Variants in AP5Z1 observed in about 807,000 individuals in gnomAD.
The protein encoded by AP5Z1 is adaptor related protein complex 5 subunit zeta 1, also known as AP-5 complex subunit zeta-1.
In AP5Z1, 106 loss-of-function variants were observed where a neutral mutation model predicts 83.0. The ratio of observed to expected loss-of-function variants is 1.28; its 90% CI spans 1.09 to 1.50. AP5Z1 has a LOEUF of 1.50. AP5Z1 is among the 40% of genes most tolerant of loss of function. The probability of loss-of-function intolerance (pLI) is 0.00; values close to 1 mark genes in which losing one functional copy is unlikely to be tolerated. For synonymous variants in AP5Z1, 751 were observed against 514.1 expected (o/e 1.46, Z -6.23); for missense variants, 1,565 against 1,094.2 (o/e 1.43, Z -6.07).
At chr7:4,791,018 G>A in intron 16 of AP5Z1, 97 bp from the exon 17 acceptor site, 1 of 1,470,418 alleles carries the variant, frequency 6.8e-7, no homozygotes, top group Non-Finnish European at 9.0e-7. Context: ...CTGAGCTAAA[G>A]CCACTCTGCT....
At chr7:4,787,831 A>C (rs967162879) in intron 11 of AP5Z1, 55 bp downstream of exon 11, 18 of 1,485,162 alleles carry the variant, frequency 1.2e-5, no homozygotes, top group Non-Finnish European at 1.5e-5. Flanking sequence ...GGTTCCACAC[A>C]CTGGGCCCCC....
At chr7:4,781,137 G>A (rs767546822) in intron 1 of AP5Z1, 38 bp from the exon 2 acceptor site, 16 of 1,595,846 alleles carry the variant, frequency 1.0e-5, no homozygotes, top group Admixed American at 5.2e-5. Context: ...TCCGAGCAGC[G>A]AGTGCTTCTG....
chr7:4,777,115 C>A (rs781692957), intron 1 of AP5Z1, among the ~76,000 whole-genome samples: 1 of 152,182 alleles, frequency 6.6e-6, no homozygotes, highest in Non-Finnish European at 1.5e-5. Flanking sequence ...GAATATGCAG[C>A]ACCATCTCCC....
chr7:4,794,173 T>G lies in AP5Z1; in HGVS notation c.*2788T>G, dbSNP rs997222972. 2 of 152,188 alleles carry G rather than the reference T, an allele frequency of 1.3e-5. No individual in the cohort carries two copies. Among genetic ancestry groups the G allele is most frequent in the African/African-American group, 2.4e-5 (1 of 41,414 alleles). 9.4% of individuals were successfully genotyped at this position (152,188 alleles called of 1,614,324 possible). ...AACACTCTGTATCTAGTTAATCTGG[T>G]GGGGACATGGAGAACCTTTGTGTCT... On this transcript the variant is annotated 3_prime_UTR_variant, in exon 17 of 17. Transcript: ENST00000649063.
chr7:4,784,803 G>C lies in AP5Z1; in HGVS notation c.791-105G>C, dbSNP rs547645423. On this transcript the variant is annotated intron_variant, in intron 6 of 16. Coordinates refer to ENST00000649063, the MANE Select transcript of AP5Z1 (RefSeq NM_014855.3). ...CGGTGACGCCTCACGCCTCCCGGGA[G>C]GGGCTGCGGCCTGTGCTCTCCTCCT... 26 of 1,418,824 alleles carry C rather than the reference G, an allele frequency of 1.8e-5. No individual in the cohort carries two copies. In the South Asian group the frequency reaches 3.7e-4, roughly 20 times the overall value. 87.9% of individuals were successfully genotyped at this position (1,418,824 alleles called of 1,614,324 possible). A position where few individuals can be genotyped will look rare whatever the true frequency, so the allele number is the denominator to read the frequency against.
In AP5Z1 at chr7:4,790,757, G is replaced by A. The variant is rs1781738481; in HGVS notation, c.2023G>A (p.Glu675Lys). ...GATCAACAAGTTCTTCGAAGCCCTG[G>A]AGGCTCTGCTATTCGAGGTCACCCA... ...EQINKFFEAL[E>K]ALLFEVTQCR... The change falls in exon 16 of 17, where the codon GAG becomes AAG. Residue 675 changes from glutamate (E) to lysine (K), a missense_variant. Physicochemically the swap from Glu to Lys is moderately conservative, Grantham distance 56. Transcript: ENST00000649063. 1 of 1,609,380 alleles carries A rather than the reference G, an allele frequency of 6.2e-7. No homozygotes were observed. The highest frequency in any genetic ancestry group is 1.1e-5 in the South Asian group (1 of 90,350).
chr7:4,779,750 C>T (rs1781329783), intron 1 of AP5Z1, among the ~76,000 whole-genome samples: 2 of 152,050 alleles, frequency 1.3e-5, no homozygotes, highest in African/African-American at 2.4e-5. Flanking sequence ...AAGTGATTCT[C>T]CTGCCTCAGC....
intron 1 of AP5Z1, among the ~76,000 whole-genome samples, chr7:4,779,310 A>C (rs1480199740): frequency 1.4e-5 from 2 of 146,990 alleles, no homozygotes; most frequent in East Asian, 3.9e-4. Flanking sequence ...TATATAACGT[A>C]TATAACATAA....
At chr7:4,785,788 T>G (rs1335310167) in intron 9 of AP5Z1, 104 bp downstream of exon 9, 16 of 1,327,536 alleles carry the variant, frequency 1.2e-5, no homozygotes, top group East Asian at 5.3e-5. Flanking sequence ...TTTGATTGAA[T>G]AGAGACAGGG....
rs1781200012 is a variant in AP5Z1, at chr7:4,775,627, C to T, written c.-89C>T. On this transcript the variant is annotated 5_prime_UTR_variant, in exon 1 of 17. Transcript: ENST00000649063. Reference sequence around the variant, plus strand: ...GTAAGGCCGCTGCGCTCACGTGACGCGGTCCCGGAAGTTGACCGGGGTGCG... The same window carrying T: ...GTAAGGCCGCTGCGCTCACGTGACGTGGTCCCGGAAGTTGACCGGGGTGCG... The T allele has an allele frequency of 2.6e-6, 4 of 1,560,558 alleles. No homozygotes were observed. The highest frequency in any genetic ancestry group is 1.7e-6 in the Non-Finnish European group (2 of 1,150,864).
At chr7:4,783,987 C>T (rs953374401) in intron 5 of AP5Z1, among the ~76,000 whole-genome samples, 189 bp downstream of exon 5, 2 of 152,108 alleles carry the variant, frequency 1.3e-5, no homozygotes, top group Non-Finnish European at 1.5e-5. Flanking sequence ...GGGGTCTGTG[C>T]GCGGGTTCAG....
chr7:4,780,888 T>C (rs1430937170), intron 1 of AP5Z1, among the ~76,000 whole-genome samples: 4 of 152,130 alleles, frequency 2.6e-5, no homozygotes. Flanking sequence ...AAAGAATCGG[T>C]TTTAGTCCTT....
chr7:4,790,044 C>T, intron 14 of AP5Z1, 115 bp downstream of exon 14: 2 of 1,155,558 alleles, frequency 1.7e-6, no homozygotes, highest in Non-Finnish European at 2.4e-6. Flanking sequence ...GCTGGGCCCT[C>T]AGCAGCCTCA....
At position 4,790,509 on chromosome 7, in the gene AP5Z1, T is replaced by C. The variant is rs745978272; in HGVS notation, c.1856T>C (p.Val619Ala). ...LALCTLKPSL[V>A]VELARDLLEF... The stretch of plus-strand genomic sequence containing the variant: ...CTGTGTACGCTGAAACCCTCCCTGG[T>C]GGTGGAGCTGGCAAGAGACCTGCTG... The change falls in exon 15 of 17, where the codon GTG becomes GCG. Residue 619 changes from valine (V) to alanine (A), a missense_variant. By Grantham distance (64) the Val-to-Ala change is moderately conservative. Coordinates refer to ENST00000649063, the MANE Select transcript of AP5Z1 (RefSeq NM_014855.3). 1 of 1,612,914 alleles carries C rather than the reference T, an allele frequency of 6.2e-7. No homozygotes were observed. The highest frequency in any genetic ancestry group is 8.5e-7 in the Non-Finnish European group (1 of 1,179,850).
intron 13 of AP5Z1, 91 bp downstream of exon 13, chr7:4,789,042 G>A (rs891843876): frequency 8.2e-5 from 90 of 1,102,822 alleles, no homozygotes; most frequent in African/African-American, 4.8e-4. Flanking sequence ...CTTGAGCTCT[G>A]CAGAAGGCTG....
intron 7 of AP5Z1, 66 bp from the exon 8 acceptor site, chr7:4,785,349 G>C: frequency 1.3e-6 from 2 of 1,569,504 alleles, no homozygotes; most frequent in East Asian, 4.5e-5. Flanking sequence ...CAGAGCACAA[G>C]CTGCCCCCTC....
chr7:4,778,321 G>T (rs17135113), intron 1 of AP5Z1, among the ~76,000 whole-genome samples: 9,537 of 152,202 alleles, frequency 0.063, 384 homozygotes, highest in African/African-American at 0.11. Flanking sequence ...CAAAGATAGC[G>T]CTGCAAGCTG....
At chr7:4,789,686 T>G in intron 13 of AP5Z1, 146 bp from the exon 14 acceptor site, 1 of 594,868 alleles carries the variant, frequency 1.7e-6, no homozygotes, top group Non-Finnish European at 2.9e-6. Context: ...CAGCTGAGTC[T>G]CTGTGTCCCT....
At chr7:4,775,898 A>G in intron 1 of AP5Z1, 142 bp downstream of exon 1, 1 of 1,253,574 alleles carries the variant, frequency 8.0e-7, no homozygotes, top group Middle Eastern at 2.7e-4. Flanking sequence ...GGGATCGGGT[A>G]AGGCAACACG....
Sources: gnomAD v4.1 joint callset for allele counts (sites outside exome capture counted in the v4.1 genomes callset) on GRCh38, gnomAD v4.1.1 for gene constraint, MANE v1.5 for transcripts, NCBI Gene and HGNC (gene_info 2026-07-23, HGNC 2026-07-21) for gene names.